TRAPPC9: variants seen among roughly 807,000 people sequenced by gnomAD.
The protein encoded by TRAPPC9 is IKK2 binding protein.
In TRAPPC9, 83 loss-of-function variants were observed where a neutral mutation model predicts 124.0. The observed-to-expected ratio is 0.67, with a 90% CI of 0.56 to 0.80. The LOEUF (loss-of-function observed/expected upper bound fraction) is 0.80. Ranked by LOEUF, TRAPPC9 falls within the 30% of genes least tolerant of loss-of-function variation. The pLI, the probability that TRAPPC9 is intolerant of heterozygous loss-of-function variation, is 0.00. For synonymous variants in TRAPPC9, 638 were observed against 617.5 expected, an observed-to-expected ratio of 1.03 and a Z score of -0.49; for missense variants, 1,302 against 1,508.3, an observed-to-expected ratio of 0.86 and a Z score of 2.27.
At chr8:140,053,916 C>T (rs1288125188) in intron 17 of TRAPPC9, among the ~76,000 whole-genome samples, 4 of 152,186 alleles carry the variant, frequency 2.6e-5, no homozygotes, top group African/African-American at 9.6e-5. Flanking sequence ...GTTACGAAAT[C>T]AACCTAGATG....
chr8:140,261,792 C>T (rs2064422960), intron 15 of TRAPPC9, among the ~76,000 whole-genome samples: 1 of 152,200 alleles, frequency 6.6e-6, no homozygotes. Context: ...CAGGCTTCCC[C>T]ATAGTCATGG....
intron 17 of TRAPPC9, among the ~76,000 whole-genome samples, chr8:140,201,024 T>C (rs929051372): frequency 1.3e-5 from 2 of 152,198 alleles, no homozygotes; most frequent in African/African-American, 2.4e-5. Flanking sequence ...ATATTCTTCC[T>C]GTGTTCCAGT....
At chr8:140,210,048 A>C (rs945095328) in intron 17 of TRAPPC9, among the ~76,000 whole-genome samples, 5 of 152,224 alleles carry the variant, frequency 3.3e-5, no homozygotes, top group African/African-American at 4.8e-5. Context: ...AGTAATCTGT[A>C]AACACTGTCA....
At chr8:140,223,707 C>A (rs2063386960) in intron 16 of TRAPPC9, among the ~76,000 whole-genome samples, 2 of 150,350 alleles carry the variant, frequency 1.3e-5, no homozygotes, top group African/African-American at 2.5e-5. Flanking sequence ...CAAAAATATG[C>A]AATTAACCAA....
At chr8:139,734,907 C>T (rs1284264893) in intron 21 of TRAPPC9, among the ~76,000 whole-genome samples, 1 of 152,226 alleles carries the variant, frequency 6.6e-6, no homozygotes, top group Non-Finnish European at 1.5e-5. Context: ...TAGTGTTTTT[C>T]AAGGCTATGA....
Position 140,241,123 on chromosome 8 carries a change from G to A in TRAPPC9, c.2431+11654C>T, listed in dbSNP as rs899967316. 2.0e-5 allele frequency among the ~76,000 whole-genome samples: 3 copies of A among 152,208 alleles called. No individual in the cohort carries two copies. Among genetic ancestry groups the A allele is most frequent in the Admixed American group, 1.3e-4 (2 of 15,286 alleles). ...CCTGTTCAAAGACCATTCAGGCCGGGTGTGGTGGCTCACACCTGTAATTCC... is the reference window on the plus strand; with the variant it reads ...CCTGTTCAAAGACCATTCAGGCCGGATGTGGTGGCTCACACCTGTAATTCC... On this transcript the variant is annotated intron_variant, in intron 16 of 22. Transcript: ENST00000438773. This position sits in a 1 kb window ranked among gnomAD's most constrained non-coding sequence, Gnocchi z 5.0.
chr8:140,311,317 A>G lies in TRAPPC9; in HGVS notation c.1553T>C (p.Met518Thr). The G allele has an allele frequency of 6.2e-7, 1 of 1,613,976 alleles. No individual in the cohort carries two copies. Among genetic ancestry groups the G allele is most frequent in the Non-Finnish European group, 8.5e-7 (1 of 1,179,994 alleles). ...ENYTSKCPGT[M>T]EPIALPGGLT... is the part of the protein sequence containing the mutation. ...GCCGCCAGGGAGGGCGATGGGCTCC[A>G]TGGTCCCAGGACACTTGGACGTATA... The change falls in exon 10 of 23, where the codon ATG becomes ACG. Residue 518 changes from methionine to threonine, a missense_variant. By Grantham distance (81) the Met-to-Thr change is moderately conservative. Transcript: ENST00000438773.
At chr8:140,056,636 A>C (rs113560497) in intron 17 of TRAPPC9, among the ~76,000 whole-genome samples, 8 of 152,184 alleles carry the variant, frequency 5.3e-5, no homozygotes, top group African/African-American at 1.9e-4. Context: ...TTGAATCTTT[A>C]TCTTATACCA....
At chr8:139,921,681 G>C (rs1173243604) in intron 19 of TRAPPC9, among the ~76,000 whole-genome samples, 2 of 151,456 alleles carry the variant, frequency 1.3e-5, no homozygotes, top group African/African-American at 4.9e-5. Context: ...AGGTGGACTA[G>C]TGCATGCAGG....
At chr8:140,427,500 C>G (rs2070471531) in intron 4 of TRAPPC9, among the ~76,000 whole-genome samples, 1 of 152,072 alleles carries the variant, frequency 6.6e-6, no homozygotes, top group African/African-American at 2.4e-5. Flanking sequence ...AAACTATTAA[C>G]TTCACTATTA....
chr8:140,170,080 G>A (rs1419955671), intron 17 of TRAPPC9, among the ~76,000 whole-genome samples: 4 of 152,230 alleles, frequency 2.6e-5, no homozygotes, highest in Non-Finnish European at 5.9e-5. Context: ...CATTTTATTG[G>A]AAGCAATAAA....
intron 21 of TRAPPC9, among the ~76,000 whole-genome samples, chr8:139,830,963 A>G (rs1456888882): frequency 1.3e-5 from 2 of 152,238 alleles, no homozygotes; most frequent in Non-Finnish European, 2.9e-5. Context: ...GGCCGCGCTG[A>G]CTGACATTTA....
intron 17 of TRAPPC9, among the ~76,000 whole-genome samples, chr8:140,044,201 G>A (rs960464018): frequency 6.6e-6 from 1 of 151,232 alleles, no homozygotes; most frequent in South Asian, 2.1e-4. Context: ...CTCAACTACT[G>A]GACAAACATT....
intron 21 of TRAPPC9, among the ~76,000 whole-genome samples, chr8:139,814,068 A>G (rs1177424607): frequency 6.6e-6 from 1 of 152,160 alleles, no homozygotes; most frequent in African/African-American, 2.4e-5. Flanking sequence ...ATCTTCCCTC[A>G]CTGCCTCTGA....
chr8:140,365,915 C>G (rs1176489909), intron 8 of TRAPPC9, among the ~76,000 whole-genome samples: 1 of 152,188 alleles, frequency 6.6e-6, no homozygotes, highest in Non-Finnish European at 1.5e-5. Context: ...GATCCTCTCC[C>G]TCCTTCTACC....
At chr8:139,791,597 C>T (rs1336648574) in intron 21 of TRAPPC9, among the ~76,000 whole-genome samples, 1 of 152,238 alleles carries the variant, frequency 6.6e-6, no homozygotes, top group Non-Finnish European at 1.5e-5. Context: ...CACACACACT[C>T]ACACAGGCGC....
intron 15 of TRAPPC9, among the ~76,000 whole-genome samples, chr8:140,255,554 G>T (rs537139222): frequency 6.6e-6 from 1 of 152,224 alleles, no homozygotes; most frequent in Non-Finnish European, 1.5e-5. Flanking sequence ...CAACTTTAAC[G>T]ACAGTCTGAG....
intron 17 of TRAPPC9, among the ~76,000 whole-genome samples, chr8:140,177,397 A>G (rs547552141): frequency 2.0e-5 from 3 of 152,274 alleles, no homozygotes; most frequent in Admixed American, 1.3e-4. Flanking sequence ...GAAAAAGCCA[A>G]TCCTTCCCCC....
chr8:139,982,564 C>T (rs1836982842), intron 19 of TRAPPC9, among the ~76,000 whole-genome samples: 1 of 152,224 alleles, frequency 6.6e-6, no homozygotes, highest in African/African-American at 2.4e-5. Flanking sequence ...AGGAAACAGA[C>T]TCACCAGGCA....
Sources: gnomAD v4.1 joint callset for allele counts (sites outside exome capture counted in the v4.1 genomes callset) on GRCh38, gnomAD v4.1.1 for gene constraint, Gnocchi (gnomAD v3.1) non-coding constraint, MANE v1.5 for transcripts, NCBI Gene and HGNC (gene_info 2026-07-23, HGNC 2026-07-21) for gene names.